Variants in MXD3 observed in about 807,000 individuals in gnomAD.
The protein encoded by MXD3 is MAX dimerization protein 3, also known as Max-associated protein 3.
In MXD3, 20 loss-of-function variants were observed where a neutral mutation model predicts 27.5. The ratio of observed to expected loss-of-function variants is 0.73; its 90% CI spans 0.51 to 1.06. The LOEUF is 1.06. MXD3 is among the 50% of genes least tolerant of loss of function. The pLI is 0.00. For synonymous variants in MXD3, 150 were observed against 130.7 expected (o/e 1.15, Z -1.01); for missense variants, 298 against 291.3 (o/e 1.02, Z -0.17).
At chr5:177,310,909 A>G (rs1761018916) in intron 2 of MXD3, 2 of 622,436 alleles carry the variant, frequency 3.2e-6, no homozygotes, top group Non-Finnish European at 5.6e-6. Context: ...AAGCCTGCCC[A>G]GGTGGGTATG....
chr5:177,312,095 G>A (rs1379562224), upstream of MXD3: 6 of 1,161,946 alleles, frequency 5.2e-6, no homozygotes, highest in Non-Finnish European at 6.4e-6. Flanking sequence ...TCCAGGCCTG[G>A]CCCTGGAGCG....
rs367628991 is a variant in MXD3, at chr5:177,310,767, A to T, written c.177-70T>A. 9.9e-4 allele frequency: 1,569 copies of T among 1,577,812 alleles called. 8 individuals are homozygous for T. The highest frequency in any genetic ancestry group is 6.7e-3 in the Middle Eastern group (40 of 5,986). On this transcript the variant is annotated intron_variant, in intron 2 of 5. Transcript: ENST00000439742. ...CCCATGCCCCAATCCCAGGGCCCCC[A>T]GTGGCTCAAGAGCCACTACAGATGT...
At chr5:177,307,202 A>G (rs1317067112), downstream of MXD3, 2 of 1,551,398 alleles carry the variant, frequency 1.3e-6, no homozygotes, top group Non-Finnish European at 1.7e-6. Context: ...AAGACTATGG[A>G]CGGGAAGTTA....
Position 177,311,479 on chromosome 5 carries a change from C to A in MXD3, c.76G>T (p.Glu26Ter). 1 of 1,431,938 alleles carries A rather than the reference C, an allele frequency of 7.0e-7. No homozygotes were observed. The allele number at this position is 1,431,938 out of a possible 1,614,324, so 88.7% of individuals were successfully genotyped here. ...GGGCACAGGGACGCATAACCATGCTCGGCCTCTGCCAGAGAGAGTCCCCGC... is the reference window on the plus strand; with the variant it reads ...GGGCACAGGGACGCATAACCATGCTAGGCCTCTGCCAGAGAGAGTCCCCGC... ...EFLERREREA[E>*]HGYASLCPHR... The change falls in exon 2 of 6, where the codon GAG (glutamate) becomes TAG (stop). Residue 26 changes from glutamate (E) to a stop codon, truncating the protein, a stop_gained. Transcript: ENST00000439742. LOFTEE classifies it high-confidence loss of function.
upstream of MXD3, chr5:177,311,964 G>A (rs1190712592): frequency 1.4e-5 from 18 of 1,330,348 alleles, no homozygotes; most frequent in East Asian, 6.6e-5. Flanking sequence ...CCCCGCCCGC[G>A]GGAACGCCCA....
chr5:177,306,197 A>G (rs1260062642), downstream of MXD3: 3 of 1,603,536 alleles, frequency 1.9e-6, no homozygotes, highest in Non-Finnish European at 2.6e-6. Context: ...GGGTATGTGG[A>G]TATTCCTCAT....
intron 2 of MXD3, 97 bp from the exon 3 acceptor site, chr5:177,310,794 T>G: frequency 1.4e-6 from 2 of 1,411,714 alleles, no homozygotes; most frequent in Non-Finnish European, 2.0e-6. Context: ...TACAGATGTC[T>G]GCCCCAAACA....
chr5:177,310,479 A>T lies in MXD3; in HGVS notation c.268T>A (p.Cys90Ser), dbSNP rs1483040770. The T allele has an allele frequency of 5.0e-6, 8 of 1,613,134 alleles. No homozygotes were observed. The highest frequency in any genetic ancestry group is 1.7e-4 in the Middle Eastern group (1 of 5,990). ...LKQQMPLGAD[C>S]ARYTTLSLLR... ...AGGCTCAGCGTGGTGTACCGGGCAC[A>T]GTCGGCCCCCAGGGGCATCTGCTGC... The change falls in exon 4 of 6, where the codon TGT (cysteine) becomes AGT (serine). Residue 90 changes from cysteine to serine, a missense_variant. Transcript: ENST00000439742.
chr5:177,307,593 G>A lies in MXD3; in HGVS notation c.616C>T (p.Leu206=). Residue 206 remains leucine (L), a synonymous_variant, in exon 6 of 6, where the codon CTA becomes TTA. Transcript: ENST00000439742. ...HSYSHGGGAW[L] is the part of the protein sequence containing the mutation. The stretch of plus-strand genomic sequence containing the variant: ...CCCGCCCTGGGTGAGGAACATCATA[G>A]CCAGGCGCCGCCGCCGTGCGAGTAG... 6.2e-7 allele frequency: 1 copy of A among 1,612,432 alleles called. No homozygotes were observed. Among genetic ancestry groups the A allele is most frequent in the Non-Finnish European group, 8.5e-7 (1 of 1,179,868 alleles).
chr5:177,308,644 A>G (rs1385853283), intron 4 of MXD3, among the ~76,000 whole-genome samples: 2 of 152,142 alleles, frequency 1.3e-5, no homozygotes, highest in African/African-American at 4.8e-5. Flanking sequence ...AAGTGCTGAG[A>G]TTATAGGTGT....
intron 4 of MXD3, among the ~76,000 whole-genome samples, chr5:177,309,720 C>T (rs926940951): frequency 7.2e-5 from 11 of 152,256 alleles, no homozygotes; most frequent in African/African-American, 2.7e-4. Flanking sequence ...ATCTGCCGCC[C>T]ATCAGCTGTG....
At chr5:177,309,599 C>G (rs976152212) in intron 4 of MXD3, among the ~76,000 whole-genome samples, 1 of 152,246 alleles carries the variant, frequency 6.6e-6, no homozygotes, top group African/African-American at 2.4e-5. Flanking sequence ...GCGCATAGGT[C>G]TTTGTGTGCC....
intron 2 of MXD3, 163 bp from the exon 3 acceptor site, chr5:177,310,860 G>T: frequency 1.3e-6 from 1 of 774,466 alleles, no homozygotes; most frequent in Non-Finnish European, 2.1e-6. Context: ...CTGGCAGGGC[G>T]AGGGGAGTCA....
Position 177,311,887 on chromosome 5 carries a change from A to T in MXD3, c.-57T>A. On this transcript the variant is annotated 5_prime_UTR_variant, in exon 1 of 6. Transcript: ENST00000439742. Reference sequence around the variant, plus strand: ...GGTGCCGGCCGGAGCAAGCGGCTGCAGCACTTTTGTTACAAAGTAACTGAC... The same window carrying T: ...GGTGCCGGCCGGAGCAAGCGGCTGCTGCACTTTTGTTACAAAGTAACTGAC... 1 of 1,573,782 alleles carries T rather than the reference A, an allele frequency of 6.4e-7. No homozygotes were observed. The highest frequency in any genetic ancestry group is 8.6e-7 in the Non-Finnish European group (1 of 1,162,052).
intron 1 of MXD3, 74 bp from the exon 2 acceptor site, chr5:177,311,558 G>A (rs1761040325): frequency 3.9e-6 from 5 of 1,278,888 alleles, no homozygotes; most frequent in Non-Finnish European, 3.2e-6. Context: ...GGCACAGCAC[G>A]GTCAAGGAAA....
downstream of MXD3, chr5:177,307,048 A>G (rs573536066): frequency 1.4e-6 from 2 of 1,451,218 alleles, no homozygotes; most frequent in African/African-American, 1.4e-5. Context: ...CATTTCTACC[A>G]TCCGTGAAGT....
At chr5:177,312,135 G>C, upstream of MXD3, 1 of 1,079,416 alleles carries the variant, frequency 9.3e-7, no homozygotes, top group Non-Finnish European at 1.1e-6. Context: ...GCTGCTTCTT[G>C]CCCGCCTCAC....
downstream of MXD3, chr5:177,306,213 G>A (rs758591969): frequency 3.1e-6 from 5 of 1,596,304 alleles, no homozygotes; most frequent in African/African-American, 5.4e-5. Context: ...CTCATAGGGA[G>A]AGGCTCATTC....
At position 177,311,882 on chromosome 5, in the gene MXD3, G is replaced by A. The variant is rs1468706740; in HGVS notation, c.-52C>T. 2 of 1,582,362 alleles carry A rather than the reference G, an allele frequency of 1.3e-6. No individual in the cohort carries two copies. The highest frequency in any genetic ancestry group is 8.6e-7 in the Non-Finnish European group (1 of 1,166,632). The stretch of plus-strand genomic sequence containing the variant: ...CCTAGGGTGCCGGCCGGAGCAAGCG[G>A]CTGCAGCACTTTTGTTACAAAGTAA... On this transcript the variant is annotated 5_prime_UTR_variant, in exon 1 of 6. Coordinates refer to ENST00000439742, the MANE Select transcript of MXD3 (RefSeq NM_031300.4).
Sources: allele counts gnomAD v4.1 joint callset (sites outside exome capture counted in the v4.1 genomes callset), GRCh38; gene constraint gnomAD v4.1.1; transcripts MANE v1.5; gene names NCBI Gene and HGNC (gene_info 2026-07-23, HGNC 2026-07-21).